CLVS1: variants seen among roughly 807,000 people sequenced by gnomAD.
The protein encoded by CLVS1 is clavesin-1.
CLVS1 carries 10 observed loss-of-function variants against 33.1 expected under a neutral mutation model. The observed-to-expected ratio is 0.30, with a 90% CI of 0.19 to 0.51. CLVS1 has a LOEUF of 0.51. Ranked by LOEUF, CLVS1 falls within the 20% of genes least tolerant of loss-of-function variation. The probability of loss-of-function intolerance (pLI) is 0.97; values close to 1 mark genes in which losing one functional copy is unlikely to be tolerated. For synonymous variants in CLVS1, 163 were observed against 166.1 expected (o/e 0.98, Z 0.14); for missense variants, 343 against 433.4 (o/e 0.79, Z 1.85).
intron 3 of CLVS1, among the ~76,000 whole-genome samples, chr8:61,445,386 A>T (rs1351392360): frequency 1.3e-5 from 2 of 152,150 alleles, no homozygotes; most frequent in Non-Finnish European, 2.9e-5. Context: ...CTTGGTCCTC[A>T]TGGTAATGAC....
intron 2 of CLVS1, among the ~76,000 whole-genome samples, chr8:61,219,325 T>C (rs1808160624): frequency 6.6e-6 from 1 of 152,036 alleles, no homozygotes; most frequent in Admixed American, 6.6e-5. Flanking sequence ...CAGGCCTTGG[T>C]ATGTGTTGTT....
intron 2 of CLVS1, among the ~76,000 whole-genome samples, chr8:61,327,632 A>G (rs59138066): frequency 0.015 from 2,272 of 152,314 alleles, 59 homozygotes; most frequent in African/African-American, 0.052. Flanking sequence ...CTGTGTGCAC[A>G]TTGAAAGTAA....
intron 3 of CLVS1, among the ~76,000 whole-genome samples, chr8:61,413,158 G>A (rs1337051035): frequency 6.6e-6 from 1 of 151,972 alleles, no homozygotes; most frequent in Non-Finnish European, 1.5e-5. Context: ...CTGAGAGGGT[G>A]GAGCCCAGCC....
chr8:60,972,007 G>T, the CLVS1 span, among the ~76,000 whole-genome samples: 1 of 152,192 alleles, frequency 6.6e-6, no homozygotes, highest in African/African-American at 2.4e-5. Context: ...AGCTCGGCTG[G>T]GTGGTGGGTC....
At chr8:61,121,488 T>C (rs753041222) in intron 1 of CLVS1, among the ~76,000 whole-genome samples, 3 of 152,186 alleles carry the variant, frequency 2.0e-5, no homozygotes, top group African/African-American at 4.8e-5. Context: ...TCTGTTTGCG[T>C]GTATTGGAAT....
At chr8:61,031,074 T>C in the CLVS1 span, among the ~76,000 whole-genome samples, 2 of 152,194 alleles carry the variant, frequency 1.3e-5, no homozygotes, top group Non-Finnish European at 2.9e-5. Flanking sequence ...ACTGAGTACA[T>C]TGAAGCTATT....
chr8:61,193,734 A>G (rs1807544972), intron 2 of CLVS1, among the ~76,000 whole-genome samples: 2 of 151,950 alleles, frequency 1.3e-5, no homozygotes, highest in Non-Finnish European at 2.9e-5. Context: ...GAACCCTACT[A>G]AAAGAAATTC....
intron 3 of CLVS1, among the ~76,000 whole-genome samples, chr8:61,421,223 A>G (rs1335919520): frequency 2.0e-5 from 3 of 152,116 alleles, no homozygotes; most frequent in Non-Finnish European, 4.4e-5. Flanking sequence ...CACTGCTCAA[A>G]TCATGGACTG....
intron 3 of CLVS1, among the ~76,000 whole-genome samples, chr8:61,450,908 GT>G (rs1203794486): frequency 6.6e-6 from 1 of 152,204 alleles, no homozygotes; most frequent in African/African-American, 2.4e-5. Context: ...CCAGGCATGA[GT>G]TTGACCTTTA....
the CLVS1 span, among the ~76,000 whole-genome samples, chr8:60,969,640 G>A: frequency 9.9e-5 from 15 of 152,164 alleles, no homozygotes; most frequent in African/African-American, 3.4e-4. Flanking sequence ...TGGCAGGGGC[G>A]GGGGCTGTTA....
intron 3 of CLVS1, among the ~76,000 whole-genome samples, chr8:61,379,112 A>G (rs936437286): frequency 6.6e-6 from 1 of 152,186 alleles, no homozygotes; most frequent in African/African-American, 2.4e-5. Flanking sequence ...GACCTGAAGA[A>G]GCCAGCCATC....
upstream of CLVS1, among the ~76,000 whole-genome samples, chr8:61,286,702 A>G (rs10100271): frequency 1.6e-4 from 25 of 152,194 alleles, no homozygotes; most frequent in Non-Finnish European, 3.2e-4. Context: ...TGATGACTTT[A>G]AAGTCTTTGA....
At chr8:61,421,125 G>A (rs1815646401) in intron 3 of CLVS1, among the ~76,000 whole-genome samples, 1 of 152,138 alleles carries the variant, frequency 6.6e-6, no homozygotes, top group Admixed American at 6.5e-5. Flanking sequence ...CTTTGGTTGG[G>A]ATAAAAGTTC....
At chr8:61,186,740 C>T (rs1052807591) in intron 2 of CLVS1, among the ~76,000 whole-genome samples, 2 of 152,062 alleles carry the variant, frequency 1.3e-5, no homozygotes, top group African/African-American at 4.8e-5. Context: ...ACAACAGATG[C>T]CTTAAAATAA....
At chr8:61,490,551 C>T (rs1274268912) in intron 5 of CLVS1, among the ~76,000 whole-genome samples, 2 of 151,208 alleles carry the variant, frequency 1.3e-5, no homozygotes, top group East Asian at 2.0e-4. Context: ...GCCTGTAGTC[C>T]CAGCTACTCG....
At chr8:61,021,103 T>C in the CLVS1 span, among the ~76,000 whole-genome samples, 1 of 152,204 alleles carries the variant, frequency 6.6e-6, no homozygotes, top group Non-Finnish European at 1.5e-5. Flanking sequence ...ATTTCACTCC[T>C]TTCCTGTTCC....
intron 2 of CLVS1, among the ~76,000 whole-genome samples, chr8:61,266,243 C>T (rs1356349198): frequency 6.6e-6 from 1 of 152,016 alleles, no homozygotes; most frequent in Non-Finnish European, 1.5e-5. Flanking sequence ...CAGATGACCT[C>T]CCTTGTTTAC....
chr8:61,026,690 A>C, the CLVS1 span, among the ~76,000 whole-genome samples: 1 of 152,226 alleles, frequency 6.6e-6, no homozygotes, highest in Non-Finnish European at 1.5e-5. Flanking sequence ...TCATAGAAAT[A>C]ACTTGTCTTC....
At chr8:61,451,120 G>C (rs1356024068) in intron 3 of CLVS1, among the ~76,000 whole-genome samples, 1 of 151,962 alleles carries the variant, frequency 6.6e-6, no homozygotes, top group Non-Finnish European at 1.5e-5. Context: ...AATCAAGCAA[G>C]ACATTTAATG....
Sources: gnomAD v4.1 joint callset for allele counts (sites outside exome capture counted in the v4.1 genomes callset) on GRCh38, gnomAD v4.1.1 for gene constraint, MANE v1.5 for transcripts, NCBI Gene and HGNC (gene_info 2026-07-23, HGNC 2026-07-21) for gene names.